GRIN2A: variants seen among roughly 807,000 people sequenced by gnomAD.
GRIN2A encodes the protein glutamate ionotropic receptor NMDA type subunit 2A, also known as glutamate receptor ionotropic, NMDA 2A.
In GRIN2A, 22 loss-of-function variants were observed where a neutral mutation model predicts 113.4. The ratio of observed to expected loss-of-function variants is 0.19; its 90% confidence interval spans 0.14 to 0.28. The LOEUF is 0.28. Among genes scored for constraint, GRIN2A ranks in the 10% least tolerant of loss-of-function variants. The pLI is 1.00. For missense variants in GRIN2A, 1,502 were observed against 1,887.0 expected, an observed-to-expected ratio of 0.80 and a Z score of 3.78; for synonymous variants, 827 against 738.4, an observed-to-expected ratio of 1.12 and a Z score of -1.94.
intron 2 of GRIN2A, among the ~76,000 whole-genome samples, chr16:9,948,802 C>G (rs999897483): frequency 6.6e-6 from 1 of 152,224 alleles, no homozygotes; most frequent in African/African-American, 2.4e-5. Flanking sequence ...AAGCACCGGT[C>G]AGTCCTATGG....
At chr16:9,860,445 C>CAAAAAAAAAAAAA (rs35715098) in intron 4 of GRIN2A, among the ~76,000 whole-genome samples, 12 of 57,952 alleles carry the variant, frequency 2.1e-4, no homozygotes, top group African/African-American at 7.3e-4. Flanking sequence ...AAGAGTCTCT[C>CAAAAAAAAAAAAA]AAAAAAAAAA....
chr16:9,978,282 C>T (rs1167393083), intron 2 of GRIN2A, among the ~76,000 whole-genome samples: 2 of 152,176 alleles, frequency 1.3e-5, no homozygotes, highest in Non-Finnish European at 2.9e-5. Flanking sequence ...CAGGCAAATG[C>T]AGTTACAGGG....
At chr16:9,877,719 C>T (rs2043398457) in intron 4 of GRIN2A, among the ~76,000 whole-genome samples, 1 of 138,862 alleles carries the variant, frequency 7.2e-6, no homozygotes, top group African/African-American at 2.7e-5. Flanking sequence ...ATCTCTTCCA[C>T]TCCCTCTCCC....
At chr16:10,081,508 A>G (rs973041159) in intron 2 of GRIN2A, among the ~76,000 whole-genome samples, 1 of 152,158 alleles carries the variant, frequency 6.6e-6, no homozygotes, top group Non-Finnish European at 1.5e-5. Flanking sequence ...AATGCTCTAA[A>G]TTTTTTCTGA....
chr16:9,810,530 G>A (rs562521788), intron 10 of GRIN2A, among the ~76,000 whole-genome samples: 14 of 152,286 alleles, frequency 9.2e-5, no homozygotes, highest in South Asian at 2.1e-4. Context: ...TAACTCCAAC[G>A]GCTGGAGTCC....
rs571416769 is a variant in GRIN2A, at chr16:9,779,774, GCTCCTCTGAC to G, written c.2357-10695_2357-10686del. Among the ~76,000 whole-genome samples the G allele has an allele frequency of 2.0e-5, 3 of 152,232 alleles. No individual in the cohort carries two copies. The East Asian group carries it at 5.8e-4, about 29-fold the overall frequency. ...CCTCCCGCTCCCCAGGTATGGAGGT[GCTCCTCTGAC>G]CTCCTCTCCCTTTTCCCAAGTCTAA... is the stretch of plus-strand genomic sequence containing the variant. On this transcript the variant is annotated intron_variant, in intron 11 of 12. Transcript: ENST00000330684.
rs2141630249 is a variant in GRIN2A at position 9,938,108 on chromosome 16, G to A, written c.858C>T (p.Tyr286=). 2.5e-6 allele frequency: 4 copies of A among 1,614,064 alleles called. No homozygotes were observed. Among genetic ancestry groups the A allele is most frequent in the Non-Finnish European group, 3.4e-6 (4 of 1,179,936 alleles). Residue 286 remains tyrosine, a synonymous_variant, in exon 3 of 13, where the codon TAC becomes TAT. Coordinates refer to ENST00000330684, the MANE Select transcript of GRIN2A (RefSeq NM_001134407.3). The part of the protein sequence containing the change: ...LISVSYDDWD[Y]SLEARVRDGI... ...CGTCCCTCACTCTCGCCTCCAGGCT[G>A]TAGTCCCAGTCATCGTAGGAGACAG...
intron 2 of GRIN2A, among the ~76,000 whole-genome samples, chr16:10,126,032 A>G (rs2048927961): frequency 6.6e-6 from 1 of 152,170 alleles, no homozygotes; most frequent in African/African-American, 2.4e-5. Context: ...AGAATGAAGT[A>G]GGGAGGCTTA....
At chr16:10,086,122 C>A (rs1227043513) in intron 2 of GRIN2A, among the ~76,000 whole-genome samples, 2 of 152,136 alleles carry the variant, frequency 1.3e-5, no homozygotes, top group African/African-American at 2.4e-5. Flanking sequence ...TTGGATGACA[C>A]CTGAGTTTGT....
intron 2 of GRIN2A, among the ~76,000 whole-genome samples, chr16:9,940,037 A>C (rs2044827588): frequency 7.3e-6 from 1 of 137,888 alleles, no homozygotes; most frequent in Admixed American, 7.1e-5. Flanking sequence ...AGAGAGAGAG[A>C]GAGAAAGAGA....
At chr16:10,149,681 C>T (rs1399727880) in intron 2 of GRIN2A, among the ~76,000 whole-genome samples, 1 of 152,198 alleles carries the variant, frequency 6.6e-6, no homozygotes, top group Non-Finnish European at 1.5e-5. Flanking sequence ...CCATCCTGTC[C>T]TGTCTCCACC....
intron 2 of GRIN2A, among the ~76,000 whole-genome samples, chr16:9,942,407 A>C (rs80212741): frequency 0.011 from 1,613 of 152,260 alleles, 22 homozygotes; most frequent in Non-Finnish European, 0.012. Flanking sequence ...GCTTTGAAAA[A>C]GTGCTTAATC....
At chr16:9,854,237 T>C (rs559290429) in intron 4 of GRIN2A, among the ~76,000 whole-genome samples, 1 of 152,220 alleles carries the variant, frequency 6.6e-6, no homozygotes, top group South Asian at 2.1e-4. Flanking sequence ...AGGCAAAATA[T>C]GGAAGTATCA....
chr16:9,980,112 GA>G (rs1349270047), intron 2 of GRIN2A, among the ~76,000 whole-genome samples: 1 of 151,388 alleles, frequency 6.6e-6, no homozygotes, highest in African/African-American at 2.4e-5. Flanking sequence ...AAAAAAAACA[GA>G]AAAAGAAAAA....
chr16:9,879,572 A>G (rs1281683296), intron 4 of GRIN2A, among the ~76,000 whole-genome samples: 2 of 152,136 alleles, frequency 1.3e-5, no homozygotes, highest in South Asian at 4.2e-4. Context: ...AGCCACGTAA[A>G]TAGGCCCTTA....
At chr16:9,920,711 T>C (rs1409931242) in intron 3 of GRIN2A, among the ~76,000 whole-genome samples, 1 of 151,836 alleles carries the variant, frequency 6.6e-6, no homozygotes, top group African/African-American at 2.4e-5. Context: ...GGACTACAGG[T>C]GCACGCCACC....
chr16:9,952,375 A>T (rs2141676402), intron 2 of GRIN2A, among the ~76,000 whole-genome samples: 1 of 152,302 alleles, frequency 6.6e-6, no homozygotes, highest in African/African-American at 2.4e-5. Context: ...AGGACAGTGT[A>T]CAAAGACAGT....
At position 9,768,905 on chromosome 16, in the gene GRIN2A, G is replaced by A. The variant is rs2141149951; in HGVS notation, c.2541C>T (p.Phe847=). The change falls in exon 12 of 13, where the codon TTC becomes TTT. Residue 847 remains phenylalanine, a synonymous_variant. Transcript: ENST00000330684. ...GGTCGGAGCACACGCCCGTGAAACAGAAGCGCAGCTTCCAGTAGAAGAGGT... is the reference window on the plus strand; with the variant it reads ...GGTCGGAGCACACGCCCGTGAAACAAAAGCGCAGCTTCCAGTAGAAGAGGT... ...WEHLFYWKLR[F]CFTGVCSDRP... 2 of 1,614,230 alleles carry A rather than the reference G, an allele frequency of 1.2e-6. No homozygotes were observed. The highest frequency in any genetic ancestry group is 1.7e-6 in the Non-Finnish European group (2 of 1,180,020).
At chr16:9,798,244 C>T (rs1334160947) in intron 11 of GRIN2A, 33 bp downstream of exon 11, 1 of 1,569,214 alleles carries the variant, frequency 6.4e-7, no homozygotes, top group South Asian at 1.1e-5. Context: ...GGTCTCAAGT[C>T]CCCCTAAAGA....
Sources: gnomAD v4.1 joint callset for allele counts (sites outside exome capture counted in the v4.1 genomes callset) on GRCh38, gnomAD v4.1.1 for gene constraint, MANE v1.5 for transcripts, NCBI Gene and HGNC (gene_info 2026-07-23, HGNC 2026-07-21) for gene names.